Variants in ASCC3 observed in about 807,000 individuals in gnomAD.
ASCC3 encodes ASC-1 complex subunit P200.
ASCC3 carries 158 observed loss-of-function variants against 256.3 expected under a neutral mutation model. That is an observed-to-expected ratio of 0.62 (90% confidence interval 0.54 to 0.70). The LOEUF (loss-of-function observed/expected upper bound fraction) is 0.70, where lower values mean the gene tolerates loss of function less well. Among genes scored for constraint, ASCC3 ranks in the 30% least tolerant of loss-of-function variants. The pLI, the probability that ASCC3 is intolerant of heterozygous loss-of-function variation, is 0.00. For synonymous variants in ASCC3, 948 were observed against 883.4 expected, an observed-to-expected ratio of 1.07 and a Z score of -1.30; for missense variants, 2,259 against 2,626.0, an observed-to-expected ratio of 0.86 and a Z score of 3.05.
In ASCC3 at chr6:100,687,032, T is replaced by TCACACACACA. The variant is rs1305315395; in HGVS notation, c.2152-7281_2152-7280insTGTGTGTGTG. ...TTAAATCTCTCTCTCTCTCTCTCTC[T>TCACACACACA]CTCACACACACACACACACACACAC... On this transcript the variant is annotated intron_variant, in intron 13 of 41. Coordinates refer to ENST00000369162, the MANE Select transcript of ASCC3 (RefSeq NM_006828.4). Among the ~76,000 whole-genome samples, 70 of 132,182 alleles carry TCACACACACA rather than the reference T, an allele frequency of 5.3e-4. 1 individual carries two copies. The highest frequency in any genetic ancestry group is 3.9e-3 in the Middle Eastern group (1 of 256). The allele number at this position is 132,182 out of a possible 152,430, so 86.7% of individuals were successfully genotyped here. A position where few individuals can be genotyped will look rare whatever the true frequency, so the allele number is the denominator to read the frequency against.
At chr6:100,616,432 A>C (rs1773666825) in intron 30 of ASCC3, among the ~76,000 whole-genome samples, 1 of 152,228 alleles carries the variant, frequency 6.6e-6, no homozygotes, top group African/African-American at 2.4e-5. Context: ...CACCATGTAA[A>C]ATTATAATTG....
intron 13 of ASCC3, among the ~76,000 whole-genome samples, chr6:100,680,515 A>G (rs1241718544): frequency 6.6e-6 from 1 of 152,198 alleles, no homozygotes; most frequent in Non-Finnish European, 1.5e-5. Flanking sequence ...GCTCAACCCC[A>G]GCATTCCCAA....
rs561782334 is a variant in ASCC3 at position 100,686,039 on chromosome 6, A to G, written c.2152-6287T>C. On this transcript the variant is annotated intron_variant, in intron 13 of 41. Coordinates refer to ENST00000369162, the MANE Select transcript of ASCC3 (RefSeq NM_006828.4). ...GAGCCTGGCATACAGCAAATACTCA[A>G]TGTGTCTTAAGTAAATATAACACAT... Among the ~76,000 whole-genome samples, 75 of 152,326 alleles carry G rather than the reference A, an allele frequency of 4.9e-4. 2 individuals carry two copies. The South Asian group carries it at 0.014, about 29-fold the overall frequency.
chr6:100,601,839 G>T lies in ASCC3; in HGVS notation c.5274C>A (p.Tyr1758Ter). The stretch of plus-strand genomic sequence containing the variant: ...GATTCATGATAAGACGTCGGAAAAA[G>T]TAAGTCCAGGTGATATAATCCAATG... ...QDALDYITWT[Y>*]FFRRLIMNPS... The change falls in exon 34 of 42, where the codon TAC becomes TAA. Residue 1758 changes from tyrosine (Y) to a stop codon, truncating the protein, a stop_gained. Transcript: ENST00000369162. LOFTEE classifies it high-confidence loss of function. The T allele has an allele frequency of 6.2e-7, 1 of 1,612,594 alleles. No individual in the cohort carries two copies. The highest frequency in any genetic ancestry group is 8.5e-7 in the Non-Finnish European group (1 of 1,178,924).
At chr6:100,695,407 T>C (rs1562232270) in intron 13 of ASCC3, among the ~76,000 whole-genome samples, 1 of 152,150 alleles carries the variant, frequency 6.6e-6, no homozygotes, top group Non-Finnish European at 1.5e-5. Context: ...AGACCCTGTG[T>C]GTCCCTTCCA....
At chr6:100,609,579 C>G (rs1042724011) in intron 30 of ASCC3, among the ~76,000 whole-genome samples, 6 of 152,038 alleles carry the variant, frequency 3.9e-5, no homozygotes, top group African/African-American at 1.4e-4. Flanking sequence ...AAAAGCAAAT[C>G]TTATTTTCTT....
At chr6:100,573,879 T>C (rs1394412102) in intron 36 of ASCC3, among the ~76,000 whole-genome samples, 1 of 152,154 alleles carries the variant, frequency 6.6e-6, no homozygotes, top group African/African-American at 2.4e-5. Context: ...TAAAAATGTT[T>C]AGTTGGAGTA....
chr6:100,729,278 G>A (rs1779784630), intron 10 of ASCC3, among the ~76,000 whole-genome samples: 1 of 152,106 alleles, frequency 6.6e-6, no homozygotes, highest in South Asian at 2.1e-4. Flanking sequence ...ATATGTGTGT[G>A]AACAGAGAAA....
chr6:100,654,462 T>C (rs1018108005), intron 17 of ASCC3, among the ~76,000 whole-genome samples: 1 of 152,082 alleles, frequency 6.6e-6, no homozygotes, highest in African/African-American at 2.4e-5. Context: ...TGAGATGGCT[T>C]AGTCCGTAAA....
At chr6:100,636,014 T>C (rs1190124564) in intron 25 of ASCC3, among the ~76,000 whole-genome samples, 1 of 152,208 alleles carries the variant, frequency 6.6e-6, no homozygotes, top group Non-Finnish European at 1.5e-5. Flanking sequence ...GGAAAGGATT[T>C]GTGTGTCACT....
At chr6:100,843,151 A>G (rs1354973982) in intron 4 of ASCC3, among the ~76,000 whole-genome samples, 1 of 152,206 alleles carries the variant, frequency 6.6e-6, no homozygotes, top group African/African-American at 2.4e-5. Flanking sequence ...TTTTGAGAAC[A>G]AAAAACGAGA....
Position 100,848,531 on chromosome 6 carries a change from G to A in ASCC3, c.418C>T (p.His140Tyr). ...GCAGTAAGATCATCTTGACTAAAAT[G>A]AGAAATAATTCGATTAGTAGCATTA... The part of the protein sequence containing the change: ...ACNATNRIIS[H>Y]FSQDDLTALV... Residue 140 changes from histidine to tyrosine, a missense_variant, in exon 4 of 42, where the codon CAT (histidine) becomes TAT (tyrosine). His to Tyr is a moderately conservative substitution (Grantham distance 83, BLOSUM62 2). This residue lies in a region of ASCC3 where 420 missense variants were observed against 419.3 expected (regional missense o/e 1.00). Transcript: ENST00000369162. 6.2e-7 allele frequency: 1 copy of A among 1,614,090 alleles called. No homozygotes were observed. Among genetic ancestry groups the A allele is most frequent in the Non-Finnish European group, 8.5e-7 (1 of 1,180,014 alleles).
chr6:100,642,483 A>T, intron 24 of ASCC3, 98 bp downstream of exon 24: 2 of 1,244,096 alleles, frequency 1.6e-6, no homozygotes, highest in Non-Finnish European at 2.4e-6. Context: ...TATAATGATT[A>T]CAAGTAAAAC....
At position 100,540,281 on chromosome 6, in the gene ASCC3, C is replaced by A. The variant is rs1460393736; in HGVS notation, c.5657G>T (p.Ser1886Ile). 6.2e-7 allele frequency: 1 copy of A among 1,613,496 alleles called. No homozygotes were observed. The highest frequency in any genetic ancestry group is 1.3e-5 in the African/African-American group (1 of 74,712). The change falls in exon 37 of 42, where the codon AGC becomes ATC. Residue 1886 changes from serine (S) to isoleucine (I), a missense_variant. Physicochemically the swap from Ser to Ile is moderately radical, Grantham distance 142. This residue lies in a region of ASCC3 where 1,839 missense variants were observed against 2,206.7 expected (regional missense o/e 0.83). Coordinates refer to ENST00000369162, the MANE Select transcript of ASCC3 (RefSeq NM_006828.4). ...CAGGAGATGTGCTTTGGTGTGAGGG[C>A]TGTCAAATGAATGAGGATTTGATTC... ...PIESNPHSFD[S>I]PHTKAHLLLQ...
intron 13 of ASCC3, among the ~76,000 whole-genome samples, chr6:100,697,144 C>T (rs1778125679): frequency 6.6e-6 from 1 of 151,938 alleles, no homozygotes; most frequent in African/African-American, 2.4e-5. Flanking sequence ...GCACATAAAG[C>T]ACATACATGC....
At chr6:100,733,129 C>T (rs188607279) in intron 10 of ASCC3, among the ~76,000 whole-genome samples, 4 of 152,194 alleles carry the variant, frequency 2.6e-5, no homozygotes, top group Admixed American at 1.3e-4. Flanking sequence ...AAGCTTTTGA[C>T]ACTATATTGA....
chr6:100,509,332 A>G lies in ASCC3; in HGVS notation c.*54T>C. The G allele has an allele frequency of 6.2e-7, 1 of 1,604,954 alleles. No homozygotes were observed. The highest frequency in any genetic ancestry group is 8.5e-7 in the Non-Finnish European group (1 of 1,172,024). On this transcript the variant is annotated 3_prime_UTR_variant, in exon 42 of 42. Coordinates refer to ENST00000369162, the MANE Select transcript of ASCC3 (RefSeq NM_006828.4). The stretch of plus-strand genomic sequence containing the variant: ...TCAAGTAATTCGATTTGTCTAGATG[A>G]CTGAACAGAGAGAATTCTTAGCCAC...
intron 10 of ASCC3, among the ~76,000 whole-genome samples, chr6:100,733,105 T>C (rs1329816132): frequency 6.6e-6 from 1 of 152,202 alleles, no homozygotes; most frequent in Non-Finnish European, 1.5e-5. Context: ...TGATTATATA[T>C]AAAACCTTGC....
At position 100,662,248 on chromosome 6, in the gene ASCC3, A is replaced by G. The variant is rs562297653; in HGVS notation, c.2478+97T>C. ...TTATAAATAACATTCAAAGTCAAGG[A>G]AACAGCCAAATCACAATATTTTTCT... is the stretch of plus-strand genomic sequence containing the variant. On this transcript the variant is annotated intron_variant, in intron 15 of 41. Coordinates refer to ENST00000369162, the MANE Select transcript of ASCC3 (RefSeq NM_006828.4). The G allele has an allele frequency of 2.0e-4, 262 of 1,315,500 alleles. 4 individuals carry two copies. In the South Asian group the frequency reaches 3.6e-3, roughly 18 times the overall value. 81.5% of individuals were successfully genotyped at this position (1,315,500 alleles called of 1,614,324 possible).
Sources: allele counts gnomAD v4.1 joint callset (sites outside exome capture counted in the v4.1 genomes callset), GRCh38; gene constraint gnomAD v4.1.1; regional missense constraint gnomAD v4.1.1; transcripts MANE v1.5; gene names NCBI Gene and HGNC (gene_info 2026-07-23, HGNC 2026-07-21).